FHIP1A: variants seen among roughly 807,000 people sequenced by gnomAD.
FHIP1A encodes FHF complex subunit HOOK-interacting protein 1A.
In FHIP1A, 61 loss-of-function variants were observed where a neutral mutation model predicts 88.6. The ratio of observed to expected loss-of-function variants is 0.69; its 90% CI spans 0.56 to 0.85. The LOEUF (loss-of-function observed/expected upper bound fraction) is 0.85. Among genes scored for constraint, FHIP1A ranks in the 40% least tolerant of loss-of-function variants. FHIP1A has a pLI of 0.00. For missense variants in FHIP1A, 1,154 were observed against 1,273.5 expected, an observed-to-expected ratio of 0.91 and a Z score of 1.43; for synonymous variants, 478 against 496.0, an observed-to-expected ratio of 0.96 and a Z score of 0.48.
intron 2 of FHIP1A, among the ~76,000 whole-genome samples, chr4:151,467,955 C>T (rs949903282): frequency 8.1e-5 from 12 of 148,042 alleles, no homozygotes; most frequent in Non-Finnish European, 1.3e-4. Flanking sequence ...ATGTAACAAA[C>T]GCTCACGTTC....
At chr4:151,478,457 A>G (rs1005757122) in intron 2 of FHIP1A, among the ~76,000 whole-genome samples, 3 of 152,134 alleles carry the variant, frequency 2.0e-5, no homozygotes, top group African/African-American at 7.2e-5. Context: ...TTTGCCTCAC[A>G]GGTTGATTTT....
At chr4:151,522,978 C>G (rs1463097173) in intron 3 of FHIP1A, among the ~76,000 whole-genome samples, 1 of 152,154 alleles carries the variant, frequency 6.6e-6, no homozygotes, top group African/African-American at 2.4e-5. Flanking sequence ...CTGACTCTTG[C>G]TGCTAATGAA....
intron 9 of FHIP1A, among the ~76,000 whole-genome samples, chr4:151,646,099 A>T (rs1034124519): frequency 2.6e-5 from 4 of 152,182 alleles, no homozygotes; most frequent in African/African-American, 9.7e-5. Context: ...TATATTCAGG[A>T]GGTAGACTGA....
intron 3 of FHIP1A, among the ~76,000 whole-genome samples, chr4:151,558,879 A>G (rs946975389): frequency 6.6e-6 from 1 of 152,232 alleles, no homozygotes; most frequent in African/African-American, 2.4e-5. Context: ...GGTAAATTGC[A>G]TAAATTTAAT....
At chr4:151,451,629 C>T (rs1728792137) in intron 1 of FHIP1A, among the ~76,000 whole-genome samples, 1 of 152,126 alleles carries the variant, frequency 6.6e-6, no homozygotes, top group African/African-American at 2.4e-5. Context: ...AGGTCAATTT[C>T]TTCCTACTGA....
In FHIP1A at chr4:151,582,341, G is replaced by A. The variant is rs920533916; in HGVS notation, c.732+4265G>A. Among the ~76,000 whole-genome samples, 3 of 151,846 alleles carry A rather than the reference G, an allele frequency of 2.0e-5. No homozygotes were observed. The East Asian group carries it at 5.8e-4, about 29-fold the overall frequency. Reference sequence around the variant, plus strand: ...ATTACTCATTCACTGCTCTGTGCATGTCATCTTTCTTTCTTTTTTTTTTTG... The same window carrying A: ...ATTACTCATTCACTGCTCTGTGCATATCATCTTTCTTTCTTTTTTTTTTTG... On this transcript the variant is annotated intron_variant, in intron 5 of 13. Coordinates refer to ENST00000435205, the MANE Select transcript of FHIP1A (RefSeq NM_001109977.3).
chr4:151,582,874 T>G (rs1417216571), intron 5 of FHIP1A, among the ~76,000 whole-genome samples: 1 of 152,230 alleles, frequency 6.6e-6, no homozygotes, highest in Non-Finnish European at 1.5e-5. Context: ...AATTTAATTC[T>G]AAGTTAAAAA....
In FHIP1A at chr4:151,509,759, T is replaced by TTGTGTGTGTG. The variant is rs113966280; in HGVS notation, c.-123+27131_-123+27140dup. 2.4e-3 allele frequency among the ~76,000 whole-genome samples: 350 copies of TTGTGTGTGTG among 147,128 alleles called. 2 individuals carry two copies. Among genetic ancestry groups the TTGTGTGTGTG allele is most frequent in the African/African-American group, 7.6e-3 (304 of 39,990 alleles). Reference sequence around the variant, plus strand: ...TACGTTAAAAATACTGTCTCTATGTTTGTGTGTGTGTGTGTGTGTGTGTGT... The same window carrying TTGTGTGTGTG: ...TACGTTAAAAATACTGTCTCTATGTTTGTGTGTGTGTGTGTGTGTGTGTGTGTGTGTGTGT... On this transcript the variant is annotated intron_variant, in intron 3 of 13. Transcript: ENST00000435205.
Position 151,577,521 on chromosome 4 carries a change from T to A in FHIP1A, c.177T>A (p.Asp59Glu), listed in dbSNP as rs1047457062. ...TQAKYGSIPP[D>E]EASAVQNYVE... is the part of the protein sequence containing the mutation. ...CAAAATATGGGTCTATCCCTCCAGA[T>A]GAGGCCAGTGCCGTGCAGAATTACG... The change falls in exon 5 of 14, where the codon GAT (aspartate) becomes GAA (glutamate). Residue 59 changes from aspartate to glutamate, a missense_variant. By Grantham distance (45) the Asp-to-Glu change is conservative (BLOSUM62 2). Transcript: ENST00000435205. 96 of 1,551,592 alleles carry A rather than the reference T, an allele frequency of 6.2e-5. No homozygotes were observed. Among genetic ancestry groups the A allele is most frequent in the Non-Finnish European group, 8.0e-5 (92 of 1,146,926 alleles).
chr4:151,632,177 T>G (rs189344701), intron 8 of FHIP1A, among the ~76,000 whole-genome samples: 2 of 151,588 alleles, frequency 1.3e-5, no homozygotes, highest in Admixed American at 1.3e-4. Context: ...GACTTTAAGA[T>G]AAAGAGACAA....
In FHIP1A at chr4:151,646,743, C is replaced by T; in HGVS notation, c.1412C>T (p.Thr471Ile). ...YILWSKCMHD[T>I]SGPVERPFPE... Reference sequence around the variant, plus strand: ...CTCTGGTCAAAGTGTATGCATGACACTTCAGGTAGGAACTCGCTAGTGATG... The same window carrying T: ...CTCTGGTCAAAGTGTATGCATGACATTTCAGGTAGGAACTCGCTAGTGATG... The change falls in exon 10 of 14, where the codon ACT becomes ATT. Residue 471 changes from threonine to isoleucine, a missense_variant. Transcript: ENST00000435205. 1 of 1,544,940 alleles carries T rather than the reference C, an allele frequency of 6.5e-7. No individual in the cohort carries two copies. Among genetic ancestry groups the T allele is most frequent in the Non-Finnish European group, 8.8e-7 (1 of 1,142,384 alleles).
intron 7 of FHIP1A, among the ~76,000 whole-genome samples, chr4:151,618,597 C>T (rs1735629658): frequency 1.3e-5 from 2 of 152,134 alleles, no homozygotes; most frequent in African/African-American, 4.8e-5. Context: ...ATGTGCTCGC[C>T]AAAATCTGTG....
In FHIP1A at chr4:151,665,377, C is replaced by A. The variant is rs1383982001; in HGVS notation, c.*2623C>A. Among the ~76,000 whole-genome samples the A allele has an allele frequency of 3.3e-5, 5 of 152,216 alleles. No individual in the cohort carries two copies. The highest frequency in any genetic ancestry group is 1.2e-4 in the African/African-American group (5 of 41,442). ...TGCTGGGGTGCTGGCAGCAAACTCA[C>A]ACGATAACACTAACTTCCTATTTGG... On this transcript the variant is annotated 3_prime_UTR_variant, in exon 14 of 14. Transcript: ENST00000435205.
intron 3 of FHIP1A, among the ~76,000 whole-genome samples, chr4:151,511,164 T>C (rs1281054686): frequency 6.6e-6 from 1 of 152,238 alleles, no homozygotes; most frequent in Non-Finnish European, 1.5e-5. Flanking sequence ...TAATATGTAT[T>C]ATTCAATCTA....
intron 3 of FHIP1A, among the ~76,000 whole-genome samples, chr4:151,484,527 T>C (rs1048316813): frequency 1.3e-5 from 2 of 152,154 alleles, no homozygotes. Flanking sequence ...AATGAAAGGA[T>C]GTAACACTTG....
At chr4:151,598,806 A>T (rs1734749330) in intron 7 of FHIP1A, among the ~76,000 whole-genome samples, 1 of 152,196 alleles carries the variant, frequency 6.6e-6, no homozygotes, top group Admixed American at 6.5e-5. Context: ...CTGGAAACTG[A>T]ATGTTTTCTT....
At chr4:151,540,096 T>A (rs998324079) in intron 3 of FHIP1A, among the ~76,000 whole-genome samples, 1 of 152,256 alleles carries the variant, frequency 6.6e-6, no homozygotes, top group African/African-American at 2.4e-5. Flanking sequence ...AGCCTTGGCC[T>A]ATGTGAAAAT....
chr4:151,454,063 T>C (rs926535286), intron 1 of FHIP1A, among the ~76,000 whole-genome samples: 7 of 152,212 alleles, frequency 4.6e-5, no homozygotes, highest in Non-Finnish European at 1.0e-4. Context: ...ACATAATTTT[T>C]TCCCATAGGA....
chr4:151,618,831 A>G (rs1204706382), intron 7 of FHIP1A, among the ~76,000 whole-genome samples: 2 of 152,158 alleles, frequency 1.3e-5, no homozygotes, highest in Non-Finnish European at 2.9e-5. Context: ...ATTGCAGACC[A>G]TTTTCTACTA....
Sources: allele counts gnomAD v4.1 joint callset (sites outside exome capture counted in the v4.1 genomes callset), GRCh38; gene constraint gnomAD v4.1.1; transcripts MANE v1.5; gene names NCBI Gene and HGNC (gene_info 2026-07-23, HGNC 2026-07-21).